The following PHEX variants were observed in gnomAD, a reference collection of about 807,000 sequenced individuals.
PHEX encodes phosphate-regulating neutral endopeptidase PHEX.
PHEX carries 16 observed loss-of-function variants against 68.0 expected under a neutral mutation model. That is an observed-to-expected ratio of 0.24 (90% confidence interval 0.16 to 0.36). The LOEUF is 0.36. PHEX is among the 10% of genes least tolerant of loss of function. The probability of loss-of-function intolerance (pLI) is 1.00; values close to 1 mark genes in which losing one functional copy is unlikely to be tolerated. For missense variants in PHEX, 480 were observed against 575.5 expected, an observed-to-expected ratio of 0.83 and a Z score of 1.70; for synonymous variants, 208 against 205.1, an observed-to-expected ratio of 1.01 and a Z score of -0.12.
intron 9 of PHEX, among the ~76,000 whole-genome samples, chrX:22,111,236 C>T (rs1602303602): frequency 8.9e-6 from 1 of 112,374 alleles, no homozygotes; most frequent in East Asian, 2.8e-4. Flanking sequence ...AGGGCTGGAG[C>T]TGGAATCTTT....
At chrX:22,046,610 C>G (rs1229558109) in intron 2 of PHEX, among the ~76,000 whole-genome samples, 1 of 103,374 alleles carries the variant, frequency 9.7e-6, no homozygotes, top group African/African-American at 3.6e-5. Context: ...TCTGTCACCC[C>G]AGGCTGGACT....
At chrX:22,173,098 G>A (rs2147123379) in intron 13 of PHEX, 1 of 111,187 alleles carries the variant, frequency 9.0e-6, no homozygotes, top group Admixed American at 9.5e-5. Flanking sequence ...CAGATGGAAT[G>A]CTAGAATGCT....
intron 9 of PHEX, 57 bp from the exon 10 acceptor site, chrX:22,111,410 C>T (rs1476371467): frequency 3.3e-6 from 3 of 912,903 alleles, no homozygotes; most frequent in South Asian, 3.9e-5. Flanking sequence ...AGATGTTCTG[C>T]AGAGCATCAG....
At chrX:22,088,700 C>A (rs1045771696) in intron 5 of PHEX, among the ~76,000 whole-genome samples, 7 of 111,195 alleles carry the variant, frequency 6.3e-5, no homozygotes, top group Admixed American at 1.9e-4. Flanking sequence ...ATTCTAGATA[C>A]ACGTCCTTTG....
intron 12 of PHEX, among the ~76,000 whole-genome samples, chrX:22,149,613 G>A (rs191754423): frequency 0.011 from 1,261 of 112,203 alleles, 24 homozygotes; most frequent in African/African-American, 0.037. Flanking sequence ...AATTAGCCAG[G>A]CGTGGTGGTG....
At chrX:22,196,144 A>T (rs1934361083) in intron 15 of PHEX, among the ~76,000 whole-genome samples, 1 of 111,417 alleles carries the variant, frequency 9.0e-6, no homozygotes, top group African/African-American at 3.3e-5. Context: ...ATGCCACTGT[A>T]CTCCAGCCTG....
At chrX:22,183,986 A>G (rs533656856) in intron 14 of PHEX, among the ~76,000 whole-genome samples, 1 of 112,031 alleles carries the variant, frequency 8.9e-6, no homozygotes, top group South Asian at 3.7e-4. Flanking sequence ...CATGCCTTAG[A>G]AATATACTGG....
At chrX:22,161,984 T>C (rs1933147344) in intron 12 of PHEX, among the ~76,000 whole-genome samples, 2 of 111,436 alleles carry the variant, frequency 1.8e-5, no homozygotes, top group African/African-American at 6.5e-5. Context: ...TTGCAAGTGG[T>C]ATGAACACAT....
At chrX:22,126,657 G>A (rs1272156402) in intron 11 of PHEX, among the ~76,000 whole-genome samples, 1 of 110,585 alleles carries the variant, frequency 9.0e-6, no homozygotes, top group East Asian at 2.8e-4. Flanking sequence ...CTGGATTGAA[G>A]GGTAACAAGT....
chrX:22,214,536 G>A (rs1358012751), intron 16 of PHEX, among the ~76,000 whole-genome samples: 2 of 112,084 alleles, frequency 1.8e-5, no homozygotes, highest in East Asian at 5.6e-4. Context: ...AGTCTTGCTG[G>A]GGAACTGTAA....
chrX:22,089,771 T>A, intron 5 of PHEX, among the ~76,000 whole-genome samples: 1 of 112,420 alleles, frequency 8.9e-6, no homozygotes, highest in Non-Finnish European at 1.9e-5. Flanking sequence ...TTTCTATCAC[T>A]GTAATTCTAC....
At position 22,178,905 on chromosome X, in the gene PHEX, A is replaced by G. The variant is rs749516577; in HGVS notation, c.1586+529A>G. ...TAGGAGTTTTTCCTACAGATAGGAG[A>G]GTTTCCTTAGGAACTTTTAGGCCCA... On this transcript the variant is annotated intron_variant, in intron 14 of 21. Coordinates refer to ENST00000379374, the MANE Select transcript of PHEX (RefSeq NM_000444.6). Among the ~76,000 whole-genome samples, 3 of 111,697 alleles carry G rather than the reference A, an allele frequency of 2.7e-5. No homozygotes were observed. The East Asian group carries it at 8.4e-4, about 31-fold the overall frequency.
At chrX:22,177,715 TTAA>T (rs1180492034) in intron 13 of PHEX, among the ~76,000 whole-genome samples, 6 of 112,040 alleles carry the variant, frequency 5.4e-5, no homozygotes, top group African/African-American at 1.9e-4. Context: ...ATACATTCTG[TTAA>T]TAATTATTCT....
chrX:22,077,608 C>T lies in PHEX; in HGVS notation c.569C>T (p.Thr190Ile). The T allele has an allele frequency of 8.3e-7, 1 of 1,209,065 alleles. No individual in the cohort carries two copies. Among genetic ancestry groups the T allele is most frequent in the Non-Finnish European group, 1.1e-6 (1 of 894,483 alleles). The stretch of plus-strand genomic sequence containing the variant: ...GAGAGAAAGTTCAGCCTTCTGCAGA[C>T]ACTTGCAACGTTTCGTGGTCAATAC... ...WSERKFSLLQTLATFRGQYSN... is the reference protein window; with the variant it reads ...WSERKFSLLQILATFRGQYSN... The change falls in exon 5 of 22, where the codon ACA becomes ATA. Residue 190 changes from threonine to isoleucine, a missense_variant. Physicochemically the swap from Thr to Ile is moderately conservative, Grantham distance 89. Transcript: ENST00000379374.
intron 3 of PHEX, among the ~76,000 whole-genome samples, chrX:22,048,716 C>T (rs1192414345): frequency 4.5e-5 from 5 of 112,021 alleles, no homozygotes; most frequent in African/African-American, 6.5e-5. Context: ...GTACTGTCTA[C>T]AGGCTCCTTC....
intron 18 of PHEX, among the ~76,000 whole-genome samples, chrX:22,223,074 C>T (rs981985103): frequency 8.9e-6 from 1 of 112,148 alleles, no homozygotes. Context: ...GTCACAAGGA[C>T]GATAGAAAGG....
intron 15 of PHEX, among the ~76,000 whole-genome samples, chrX:22,197,405 T>C (rs758750917): frequency 6.3e-5 from 7 of 111,216 alleles, no homozygotes; most frequent in African/African-American, 2.3e-4. Flanking sequence ...ATAAAAAACA[T>C]TGTGGCTTTT....
rs1936484822 is a variant in PHEX, at chrX:22,249,231, G to GTGTGTGTA, written c.*1285_*1286insATGTGTGT. ...AGCGTGTGTGTGTGTGTGTGTGTGT[G>GTGTGTGTA]TGTGTGTGTAGGATAAAATTGTAAT... On this transcript the variant is annotated 3_prime_UTR_variant, in exon 22 of 22. Transcript: ENST00000379374. 2.0e-5 allele frequency: 2 copies of GTGTGTGTA among 101,897 alleles called. No individual in the cohort carries two copies. Among genetic ancestry groups the GTGTGTGTA allele is most frequent in the African/African-American group, 7.3e-5 (2 of 27,539 alleles). The allele number at this position is 101,897 out of a possible 1,213,427, so 8.4% of individuals were successfully genotyped here.
At chrX:22,109,132 C>T (rs1930840721) in intron 9 of PHEX, among the ~76,000 whole-genome samples, 1 of 111,257 alleles carries the variant, frequency 9.0e-6, no homozygotes. Flanking sequence ...AGAAGTGACC[C>T]TTCTCCCAGG....
Sources: allele counts gnomAD v4.1 joint callset (sites outside exome capture counted in the v4.1 genomes callset), GRCh38; gene constraint gnomAD v4.1.1; transcripts MANE v1.5; gene names NCBI Gene and HGNC (gene_info 2026-07-23, HGNC 2026-07-21).